Variants in ERBB4 observed in about 807,000 individuals in gnomAD.
ERBB4 encodes receptor tyrosine-protein kinase erbB-4.
ERBB4 carries 42 observed loss-of-function variants against 158.0 expected under a neutral mutation model. The ratio of observed to expected loss-of-function variants is 0.27; its 90% CI spans 0.21 to 0.34. The LOEUF is 0.34. ERBB4 is among the 10% of genes least tolerant of loss of function. ERBB4 has a pLI of 1.00. For missense variants in ERBB4, 1,333 were observed against 1,624.1 expected (o/e 0.82, Z 3.08); for synonymous variants, 583 against 558.7 (o/e 1.04, Z -0.61).
intron 20 of ERBB4, among the ~76,000 whole-genome samples, chr2:211,437,402 A>G (rs2033647): frequency 0.31 from 46,450 of 152,102 alleles, 7,428 homozygotes; most frequent in South Asian, 0.55. Flanking sequence ...CAACTCATAT[A>G]AACTGCTTAT....
chr2:212,499,588 T>C (rs776277818), intron 1 of ERBB4, among the ~76,000 whole-genome samples: 3 of 152,006 alleles, frequency 2.0e-5, no homozygotes, highest in African/African-American at 7.2e-5. Context: ...ATAGCCCAAA[T>C]GGAGATAAAG....
intron 2 of ERBB4, among the ~76,000 whole-genome samples, chr2:211,962,271 T>C (rs781220000): frequency 6.6e-6 from 1 of 152,198 alleles, no homozygotes; most frequent in Admixed American, 6.6e-5. Context: ...AATTGATATA[T>C]GAAATCAGAA....
chr2:212,520,084 T>C (rs549905180), intron 1 of ERBB4, among the ~76,000 whole-genome samples: 39 of 152,080 alleles, frequency 2.6e-4, no homozygotes, highest in Non-Finnish European at 4.4e-4. Context: ...TATATCAGGA[T>C]ACCTTAATTG....
intron 4 of ERBB4, among the ~76,000 whole-genome samples, chr2:211,761,491 A>T (rs2075412866): frequency 6.6e-6 from 1 of 152,160 alleles, no homozygotes; most frequent in Admixed American, 6.5e-5. Context: ...GCGTCCTTTA[A>T]GTAGAGCCAG....
At chr2:211,512,740 G>A (rs11891684) in intron 20 of ERBB4, among the ~76,000 whole-genome samples, 1 of 151,920 alleles carries the variant, frequency 6.6e-6, no homozygotes, top group African/African-American at 2.4e-5. Context: ...ATTGTTCTTG[G>A]TAAGAACAAT....
intron 1 of ERBB4, among the ~76,000 whole-genome samples, chr2:212,479,590 T>C (rs958629964): frequency 6.6e-6 from 1 of 152,184 alleles, no homozygotes; most frequent in East Asian, 1.9e-4. Context: ...ATCCCTACTT[T>C]AATGATTAAA....
intron 1 of ERBB4, among the ~76,000 whole-genome samples, chr2:212,381,586 T>C (rs755150364): frequency 2.0e-5 from 3 of 151,340 alleles, no homozygotes; most frequent in Non-Finnish European, 3.0e-5. Context: ...CCATTTTGAG[T>C]TAAAATTGGG....
At chr2:212,032,088 A>G (rs1232442563) in intron 2 of ERBB4, among the ~76,000 whole-genome samples, 1 of 152,140 alleles carries the variant, frequency 6.6e-6, no homozygotes, top group Non-Finnish European at 1.5e-5. Context: ...GATTCAGACC[A>G]TTAATGAAAG....
intron 1 of ERBB4, among the ~76,000 whole-genome samples, chr2:212,271,069 T>C (rs566983732): frequency 2.0e-4 from 30 of 151,966 alleles, no homozygotes; most frequent in African/African-American, 6.7e-4. Flanking sequence ...CTCCATATTC[T>C]AGTATCCTAT....
At chr2:211,901,840 C>CA (rs992182785) in intron 3 of ERBB4, among the ~76,000 whole-genome samples, 1 of 151,462 alleles carries the variant, frequency 6.6e-6, no homozygotes, top group Non-Finnish European at 1.5e-5. Flanking sequence ...TTTGTAGAGT[C>CA]AAAAAAAATT....
chr2:211,847,432 A>G (rs1264940290), intron 3 of ERBB4, among the ~76,000 whole-genome samples: 1 of 152,138 alleles, frequency 6.6e-6, no homozygotes, highest in Admixed American at 6.6e-5. Context: ...AGTTACAATA[A>G]GGATTTGCAA....
chr2:211,577,665 A>T lies in ERBB4; in HGVS notation c.2302-15577T>A, dbSNP rs1294105187. On this transcript the variant is annotated intron_variant, in intron 19 of 27. Coordinates refer to ENST00000342788, the MANE Select transcript of ERBB4 (RefSeq NM_005235.3). ...TTCAAGGCTGGTTCAACACACGTAAATCAATAAATATAATTCATCACATAA... is the reference window on the plus strand; with the variant it reads ...TTCAAGGCTGGTTCAACACACGTAATTCAATAAATATAATTCATCACATAA... 3.3e-5 allele frequency among the ~76,000 whole-genome samples: 5 copies of T among 152,278 alleles called. No individual in the cohort carries two copies. The East Asian group carries it at 9.7e-4, about 29-fold the overall frequency.
At chr2:212,446,690 G>A (rs1183401611) in intron 1 of ERBB4, among the ~76,000 whole-genome samples, 2 of 131,316 alleles carry the variant, frequency 1.5e-5, no homozygotes, top group South Asian at 2.5e-4. Flanking sequence ...CAGGGTATGT[G>A]AAAACTTAGC....
At chr2:211,997,289 C>T (rs114663158) in intron 2 of ERBB4, among the ~76,000 whole-genome samples, 4,217 of 151,960 alleles carry the variant, frequency 0.028, 72 homozygotes, top group Middle Eastern at 0.048. Flanking sequence ...TAAAAATTTC[C>T]TCAACTTCTA....
chr2:212,190,746 C>T (rs1253911067), intron 1 of ERBB4, among the ~76,000 whole-genome samples: 3 of 152,098 alleles, frequency 2.0e-5, no homozygotes, highest in East Asian at 1.9e-4. Context: ...ATGATGAAAA[C>T]CTTTACCTTA....
chr2:211,894,663 G>T (rs975055345), intron 3 of ERBB4, among the ~76,000 whole-genome samples: 1 of 152,178 alleles, frequency 6.6e-6, no homozygotes, highest in Non-Finnish European at 1.5e-5. Flanking sequence ...CTTTTGGCAT[G>T]ACTGAATTAT....
At chr2:211,413,309 AACACACACACACAC>A (rs36108369) in intron 25 of ERBB4, among the ~76,000 whole-genome samples, 1 of 94,558 alleles carries the variant, frequency 1.1e-5, no homozygotes, top group African/African-American at 3.8e-5. Context: ...CTGTCTTAAA[AACACACACACACAC>A]ACACACACAC....
rs1239226199 is a variant in ERBB4 at position 211,914,389 on chromosome 2, T to C, written c.421+33041A>G. 3.9e-5 allele frequency among the ~76,000 whole-genome samples: 6 copies of C among 152,140 alleles called. No individual in the cohort carries two copies. The East Asian group carries it at 9.6e-4, about 24-fold the overall frequency. Reference sequence around the variant, plus strand: ...GTTAGGAGTTGTAAGTTTCAATCTATTGATTCTTCTATAAAATCAAAGCTA... The same window carrying C: ...GTTAGGAGTTGTAAGTTTCAATCTACTGATTCTTCTATAAAATCAAAGCTA... On this transcript the variant is annotated intron_variant, in intron 3 of 27. Coordinates refer to ENST00000342788, the MANE Select transcript of ERBB4 (RefSeq NM_005235.3).
At chr2:212,102,451 A>T (rs2079112310) in intron 2 of ERBB4, among the ~76,000 whole-genome samples, 1 of 152,062 alleles carries the variant, frequency 6.6e-6, no homozygotes. Context: ...AATAGAGACC[A>T]ATTGTCTCCA....
Sources: gnomAD v4.1 joint callset for allele counts (sites outside exome capture counted in the v4.1 genomes callset) on GRCh38, gnomAD v4.1.1 for gene constraint, MANE v1.5 for transcripts, NCBI Gene and HGNC (gene_info 2026-07-23, HGNC 2026-07-21) for gene names.